The following SLC26A2 variants were observed in gnomAD, a reference collection of about 807,000 sequenced individuals.
SLC26A2 encodes sulfate transporter.
A neutral mutation model predicts 41.1 loss-of-function variants in SLC26A2; 36 were observed. The ratio of observed to expected loss-of-function variants is 0.88; its 90% CI spans 0.67 to 1.16. The LOEUF (loss-of-function observed/expected upper bound fraction) is 1.16. Ranked by LOEUF, SLC26A2 falls within the 50% of genes most tolerant of loss-of-function variation. The pLI, the probability that SLC26A2 is intolerant of heterozygous loss-of-function variation, is 0.00. For synonymous variants in SLC26A2, 291 were observed against 311.6 expected, an observed-to-expected ratio of 0.93 and a Z score of 0.70; for missense variants, 796 against 869.6, an observed-to-expected ratio of 0.92 and a Z score of 1.07.
chr5:149,976,961 C>T (rs1456392963), intron 1 of SLC26A2, among the ~76,000 whole-genome samples: 1 of 152,204 alleles, frequency 6.6e-6, no homozygotes, highest in Non-Finnish European at 1.5e-5. Context: ...CCTCTTCATG[C>T]CCTTTACATT....
intron 2 of SLC26A2, among the ~76,000 whole-genome samples, chr5:149,979,590 A>G (rs1755057191): frequency 6.6e-6 from 1 of 152,226 alleles, no homozygotes; most frequent in South Asian, 2.1e-4. Flanking sequence ...GGAAGAAGGC[A>G]TAACAATTCT....
chr5:149,986,213 A>G lies in SLC26A2; in HGVS notation c.*4400A>G, dbSNP rs1248735897. On this transcript the variant is annotated 3_prime_UTR_variant, in exon 3 of 3. Transcript: ENST00000286298. ...GAGCCTAAAATAAAAAGAAAAAATTAAAAAGAATCAGTTTTTTTAATTAAA... is the reference window on the plus strand; with the variant it reads ...GAGCCTAAAATAAAAAGAAAAAATTGAAAAGAATCAGTTTTTTTAATTAAA... 3 of 152,182 alleles carry G rather than the reference A, an allele frequency of 2.0e-5. No individual in the cohort carries two copies. The highest frequency in any genetic ancestry group is 7.2e-5 in the African/African-American group (3 of 41,444). The allele number at this position is 152,182 out of a possible 1,614,324, so 9.4% of individuals were successfully genotyped here.
chr5:149,968,345 C>A lies in SLC26A2; in HGVS notation c.-26+7366C>A, dbSNP rs550006752. 3.3e-5 allele frequency among the ~76,000 whole-genome samples: 5 copies of A among 152,238 alleles called. No individual in the cohort carries two copies. In the East Asian group the frequency reaches 9.6e-4, roughly 29 times the overall value. On this transcript the variant is annotated intron_variant, in intron 1 of 2. Coordinates refer to ENST00000286298, the MANE Select transcript of SLC26A2 (RefSeq NM_000112.4). The stretch of plus-strand genomic sequence containing the variant: ...TGAGGAACCACCAAACTGTTTTTCA[C>A]AGTGTTGGCACCATTTTACATTTCT...
intron 1 of SLC26A2, among the ~76,000 whole-genome samples, chr5:149,971,481 C>T (rs765629399): frequency 7.2e-5 from 11 of 152,280 alleles, no homozygotes; most frequent in Admixed American, 4.6e-4. Flanking sequence ...CTCACTTCAG[C>T]CTCCACCTCC....
In SLC26A2 at chr5:149,980,372, C is replaced by T. The variant is rs772809990; in HGVS notation, c.779C>T (p.Ala260Val). Residue 260 changes from alanine to valine, a missense_variant, in exon 3 of 3, where the codon GCC becomes GTC. Physicochemically the swap from Ala to Val is moderately conservative, Grantham distance 64 (BLOSUM62 0). Coordinates refer to ENST00000286298, the MANE Select transcript of SLC26A2 (RefSeq NM_000112.4). ...TTGCTGAGTGGATTTGTCACTGGTG[C>T]CTCCTTCACTATTCTTACATCTCAG... ...DALLSGFVTG[A>V]SFTILTSQAK... is the part of the protein sequence containing the mutation. The T allele has an allele frequency of 6.2e-7, 1 of 1,614,060 alleles. No individual in the cohort carries two copies. Among genetic ancestry groups the T allele is most frequent in the Non-Finnish European group, 8.5e-7 (1 of 1,179,958 alleles).
intron 1 of SLC26A2, among the ~76,000 whole-genome samples, chr5:149,962,846 T>G (rs1191915021): frequency 6.6e-6 from 1 of 152,184 alleles, no homozygotes; most frequent in African/African-American, 2.4e-5. Flanking sequence ...TGTTAAATTC[T>G]AATTCACTCA....
rs747980133 is a variant in SLC26A2, at chr5:149,980,992, G to A, written c.1399G>A (p.Val467Ile). Residue 467 changes from valine to isoleucine, a missense_variant, in exon 3 of 3, where the codon GTC becomes ATC. Transcript: ENST00000286298. ...GGTAACAGCCCTGGTTCTTTTGTTG[G>A]TCCTCCTAGTAATAGCTCCTTTGTT... ...GVVTALVLLLVLLVIAPLFYS... is the reference protein window; with the variant it reads ...GVVTALVLLLILLVIAPLFYS... The A allele has an allele frequency of 1.5e-5, 25 of 1,613,946 alleles. No homozygotes were observed. Among genetic ancestry groups the A allele is most frequent in the Non-Finnish European group, 1.9e-5 (23 of 1,180,000 alleles).
chr5:149,978,370 ATTGGTT>A lies in SLC26A2; in HGVS notation c.699+20_699+25del. On this transcript the variant is annotated intron_variant, in intron 2 of 2. Transcript: ENST00000286298. Reference sequence around the variant, plus strand: ...TTATCAGGTAAGCAGCAATGAAACAATTGGTTATTTCTAGAAAAGTAATCTAGTACA... The same window carrying A: ...TTATCAGGTAAGCAGCAATGAAACAAATTTCTAGAAAAGTAATCTAGTACA... The A allele has an allele frequency of 6.3e-7, 1 of 1,578,698 alleles. No homozygotes were observed. The highest frequency in any genetic ancestry group is 1.1e-5 in the South Asian group (1 of 90,472).
chr5:149,970,713 T>C (rs1184939030), intron 1 of SLC26A2, among the ~76,000 whole-genome samples: 1 of 152,136 alleles, frequency 6.6e-6, no homozygotes, highest in Non-Finnish European at 1.5e-5. Flanking sequence ...TTGCAGGCTA[T>C]TAGAGTATTC....
chr5:149,963,790 C>T (rs1230699907), intron 1 of SLC26A2, among the ~76,000 whole-genome samples: 3 of 129,198 alleles, frequency 2.3e-5, no homozygotes, highest in Non-Finnish European at 4.7e-5. Flanking sequence ...CTATGTTACC[C>T]AGGCTGGTCT....
Position 149,981,090 on chromosome 5 carries a change from G to A in SLC26A2, c.1497G>A (p.Arg499=), listed in dbSNP as rs1755090535. The part of the protein sequence containing the change: ...VNLRGALRKF[R]DLPKMWSISR... ...TACGGGGAGCCCTTCGTAAATTTAG[G>A]GATCTTCCCAAAATGTGGAGTATTA... is the stretch of plus-strand genomic sequence containing the variant. Residue 499 remains arginine (R), a synonymous_variant, in exon 3 of 3, where the codon AGG becomes AGA. Coordinates refer to ENST00000286298, the MANE Select transcript of SLC26A2 (RefSeq NM_000112.4). The A allele has an allele frequency of 1.9e-6, 3 of 1,613,940 alleles. No homozygotes were observed. Among genetic ancestry groups the A allele is most frequent in the Non-Finnish European group, 2.5e-6 (3 of 1,179,980 alleles).
At chr5:149,961,106 C>T (rs756962128) in intron 1 of SLC26A2, 127 bp downstream of exon 1, 2 of 152,454 alleles carry the variant, frequency 1.3e-5, no homozygotes, top group Non-Finnish European at 2.9e-5. Flanking sequence ...CAGGGGTCGC[C>T]GCCGTGGAGC....
At chr5:149,972,209 C>T (rs1754916771) in intron 1 of SLC26A2, among the ~76,000 whole-genome samples, 1 of 152,192 alleles carries the variant, frequency 6.6e-6, no homozygotes, top group African/African-American at 2.4e-5. Flanking sequence ...GCTTAGATGC[C>T]ATAATCATAG....
At chr5:149,961,838 C>A (rs1217074688) in intron 1 of SLC26A2, among the ~76,000 whole-genome samples, 1 of 151,900 alleles carries the variant, frequency 6.6e-6, no homozygotes, top group Non-Finnish European at 1.5e-5. Context: ...AAGGAATGGA[C>A]CCTTTAAAAT....
chr5:149,973,922 C>T (rs1754946454), intron 1 of SLC26A2, among the ~76,000 whole-genome samples: 1 of 152,152 alleles, frequency 6.6e-6, no homozygotes, highest in South Asian at 2.1e-4. Flanking sequence ...GTGGGAGGAT[C>T]ACTTGAGGCC....
At position 149,980,749 on chromosome 5, in the gene SLC26A2, G is replaced by A. The variant is rs921062664; in HGVS notation, c.1156G>A (p.Ala386Thr). ...WNLIPSVAVD[A>T]IAISIIGFAI... ...CCTAATTCCTAGTGTGGCTGTAGAT[G>A]CAATAGCTATTTCCATCATTGGTTT... Residue 386 changes from alanine to threonine, a missense_variant, in exon 3 of 3, where the codon GCA (alanine) becomes ACA (threonine). By Grantham distance (58) the Ala-to-Thr change is moderately conservative (BLOSUM62 0). Transcript: ENST00000286298. 1.9e-6 allele frequency: 3 copies of A among 1,613,878 alleles called. No homozygotes were observed. The highest frequency in any genetic ancestry group is 1.3e-5 in the African/African-American group (1 of 75,044).
At chr5:149,978,732 C>T (rs999568063) in intron 2 of SLC26A2, among the ~76,000 whole-genome samples, 12 of 151,368 alleles carry the variant, frequency 7.9e-5, no homozygotes, top group African/African-American at 2.4e-4. Context: ...CACTCTGTCA[C>T]GCTGGAGTGC....
At chr5:149,972,391 G>T (rs1754919313) in intron 1 of SLC26A2, among the ~76,000 whole-genome samples, 1 of 152,224 alleles carries the variant, frequency 6.6e-6, no homozygotes, top group African/African-American at 2.4e-5. Context: ...TGAATGTAGA[G>T]AAAGGGAGAG....
chr5:149,976,221 C>G (rs565948219), intron 1 of SLC26A2, among the ~76,000 whole-genome samples: 4 of 152,024 alleles, frequency 2.6e-5, no homozygotes, highest in African/African-American at 9.6e-5. Flanking sequence ...TTTGTTCATT[C>G]ATTCATTCAA....
Sources: gnomAD v4.1 joint callset for allele counts (sites outside exome capture counted in the v4.1 genomes callset) on GRCh38, gnomAD v4.1.1 for gene constraint, MANE v1.5 for transcripts, NCBI Gene and HGNC (gene_info 2026-07-23, HGNC 2026-07-21) for gene names.